The following GUCY1A2 variants were observed in gnomAD, a reference collection of about 807,000 sequenced individuals.
GUCY1A2 encodes the protein guanylate cyclase soluble subunit alpha-2.
In GUCY1A2, 27 loss-of-function variants were observed where a neutral mutation model predicts 63.5. The observed-to-expected ratio is 0.43, with a 90% CI of 0.31 to 0.59. The LOEUF is 0.59. Among genes scored for constraint, GUCY1A2 ranks in the 20% least tolerant of loss-of-function variants. GUCY1A2 has a pLI of 0.11. For missense variants in GUCY1A2, 768 were observed against 913.3 expected (o/e 0.84, Z 2.05); for synonymous variants, 364 against 343.5 (o/e 1.06, Z -0.66).
intron 3 of GUCY1A2, among the ~76,000 whole-genome samples, chr11:106,966,946 CA>C (rs201296302): frequency 6.7e-6 from 1 of 150,148 alleles, no homozygotes; most frequent in Non-Finnish European, 1.5e-5. Flanking sequence ...AGAAACAAAC[CA>C]AAAAAAAGAG....
chr11:106,929,488 T>C (rs1860572595), intron 4 of GUCY1A2, among the ~76,000 whole-genome samples: 1 of 152,200 alleles, frequency 6.6e-6, no homozygotes, highest in Admixed American at 6.5e-5. Context: ...GGTTAAACCA[T>C]ATCTGCTATG....
At chr11:106,928,964 G>A (rs1346444477) in intron 4 of GUCY1A2, among the ~76,000 whole-genome samples, 1 of 152,130 alleles carries the variant, frequency 6.6e-6, no homozygotes, top group Non-Finnish European at 1.5e-5. Context: ...ACAGAATAAG[G>A]AAATGCTGTT....
chr11:106,892,868 C>G (rs1447905850), intron 4 of GUCY1A2, among the ~76,000 whole-genome samples: 2 of 152,088 alleles, frequency 1.3e-5, no homozygotes, highest in African/African-American at 4.8e-5. Flanking sequence ...CAAGAGAATT[C>G]TTAAAGTCCT....
At position 106,687,761 on chromosome 11, in the gene GUCY1A2, G is replaced by C; in HGVS notation, c.1992-5C>G. 6.3e-7 allele frequency: 1 copy of C among 1,589,846 alleles called. No individual in the cohort carries two copies. Among genetic ancestry groups the C allele is most frequent in the Non-Finnish European group, 8.6e-7 (1 of 1,158,004 alleles). ...CTTTCTTCTCGTTTTAATAATCTAAGAAGAAAATACAGAGCACATGAATCA... is the reference window on the plus strand; with the variant it reads ...CTTTCTTCTCGTTTTAATAATCTAACAAGAAAATACAGAGCACATGAATCA... On this transcript the variant is annotated splice_polypyrimidine_tract_variant and splice_region_variant and intron_variant, in intron 7 of 7. Coordinates refer to ENST00000526355, the MANE Select transcript of GUCY1A2 (RefSeq NM_000855.3).
chr11:106,924,920 C>G (rs1198571969), intron 4 of GUCY1A2, among the ~76,000 whole-genome samples: 1 of 152,010 alleles, frequency 6.6e-6, no homozygotes, highest in Non-Finnish European at 1.5e-5. Context: ...TGGGAGAAAT[C>G]ACCTGAGGCT....
At chr11:106,936,569 G>A (rs1860679689) in intron 4 of GUCY1A2, 1 of 711,722 alleles carries the variant, frequency 1.4e-6, no homozygotes, top group East Asian at 2.8e-5. Flanking sequence ...AGGCATGGAT[G>A]ATCACTTAGA....
At chr11:106,857,882 ATT>A (rs1403330794) in intron 4 of GUCY1A2, among the ~76,000 whole-genome samples, 2 of 152,234 alleles carry the variant, frequency 1.3e-5, no homozygotes, top group Non-Finnish European at 2.9e-5. Context: ...ATACTATACC[ATT>A]TTATATCAGG....
At chr11:106,691,931 C>A (rs1029073869) in intron 7 of GUCY1A2, among the ~76,000 whole-genome samples, 1 of 152,174 alleles carries the variant, frequency 6.6e-6, no homozygotes, top group South Asian at 2.1e-4. Flanking sequence ...ATAGGACAAT[C>A]TGAATGACTT....
At position 106,978,120 on chromosome 11, in the gene GUCY1A2, T is replaced by C. The variant is rs139220869; in HGVS notation, c.487+499A>G. ...GTCATAAGTACAAATATCTTTAAGA[T>C]GGACACTCCCCTAACCCCAAGTAGG... On this transcript the variant is annotated intron_variant, in intron 3 of 7. Transcript: ENST00000526355. Among the ~76,000 whole-genome samples the C allele has an allele frequency of 4.9e-4, 74 of 152,178 alleles. 2 individuals carry two copies. In the East Asian group the frequency reaches 0.013, roughly 26 times the overall value.
At chr11:106,746,092 G>A (rs995717272) in intron 6 of GUCY1A2, among the ~76,000 whole-genome samples, 1 of 152,116 alleles carries the variant, frequency 6.6e-6, no homozygotes, top group Non-Finnish European at 1.5e-5. Flanking sequence ...TCCTGGTGAA[G>A]TAGAAGCCAT....
chr11:106,755,395 G>C lies in GUCY1A2; in HGVS notation c.1836+21044C>G, dbSNP rs138864828. ...TATTTCTTGTCTTCTGCTAGCTTTT[G>C]AATTTGTTTGCTCTTACTTCTCTAT... is the stretch of plus-strand genomic sequence containing the variant. On this transcript the variant is annotated intron_variant, in intron 6 of 7. Transcript: ENST00000526355. Among the ~76,000 whole-genome samples the C allele has an allele frequency of 3.8e-3, 584 of 151,964 alleles. 3 individuals are homozygous for C. Among genetic ancestry groups the C allele is most frequent in the Middle Eastern group, 0.014 (4 of 294 alleles).
chr11:106,825,055 T>A (rs1206987866), intron 4 of GUCY1A2: 20 of 975,428 alleles, frequency 2.1e-5, no homozygotes, highest in Admixed American at 1.0e-4. Context: ...ATTTCATAGA[T>A]ATTTTATATG....
At chr11:106,781,543 A>G (rs1565288091) in intron 5 of GUCY1A2, among the ~76,000 whole-genome samples, 1 of 152,072 alleles carries the variant, frequency 6.6e-6, no homozygotes, top group African/African-American at 2.4e-5. Flanking sequence ...AAATAAATAT[A>G]TTAGAGCTAT....
At chr11:106,719,226 A>G (rs1441513901) in intron 6 of GUCY1A2, among the ~76,000 whole-genome samples, 1 of 152,138 alleles carries the variant, frequency 6.6e-6, no homozygotes, top group Non-Finnish European at 1.5e-5. Context: ...TTACTTATCA[A>G]TTCACTCAGT....
chr11:106,840,255 C>T (rs1054257645), intron 4 of GUCY1A2, among the ~76,000 whole-genome samples: 2 of 151,812 alleles, frequency 1.3e-5, no homozygotes, highest in African/African-American at 4.8e-5. Context: ...TCCATCAGGG[C>T]TACTGTAGTG....
intron 6 of GUCY1A2, among the ~76,000 whole-genome samples, chr11:106,760,390 T>C (rs753159685): frequency 3.3e-5 from 5 of 152,190 alleles, no homozygotes; most frequent in Non-Finnish European, 7.3e-5. Context: ...ATGATGAGTT[T>C]GGAGGCATGG....
intron 7 of GUCY1A2, among the ~76,000 whole-genome samples, chr11:106,688,027 G>T (rs966725180): frequency 1.3e-5 from 2 of 152,116 alleles, no homozygotes. Flanking sequence ...TTTCTAAACA[G>T]CATTCCTTGA....
chr11:106,997,426 G>C (rs1397594299), intron 1 of GUCY1A2, among the ~76,000 whole-genome samples: 1 of 152,128 alleles, frequency 6.6e-6, no homozygotes. Context: ...AGGCAAACTA[G>C]GTCAGCCTAG....
intron 4 of GUCY1A2, among the ~76,000 whole-genome samples, chr11:106,819,341 C>T (rs565066379): frequency 9.9e-5 from 15 of 152,240 alleles, no homozygotes; most frequent in African/African-American, 3.6e-4. Context: ...AGCAATACTA[C>T]TGTGAATACA....
Sources: allele counts gnomAD v4.1 joint callset (sites outside exome capture counted in the v4.1 genomes callset), GRCh38; gene constraint gnomAD v4.1.1; transcripts MANE v1.5; gene names NCBI Gene and HGNC (gene_info 2026-07-23, HGNC 2026-07-21).